Variants in PRELID2 observed in about 807,000 individuals in gnomAD.
PRELID2 encodes the protein PRELI domain-containing protein 2.
Under a neutral mutation model 28.4 loss-of-function variants are expected in PRELID2, and 25 were observed. That is an observed-to-expected ratio of 0.88 (90% CI 0.64 to 1.23). The LOEUF (loss-of-function observed/expected upper bound fraction) is 1.23. Among genes scored for constraint, PRELID2 ranks in the 50% most tolerant of loss-of-function variants. PRELID2 has a pLI of 0.00. For synonymous variants in PRELID2, 76 were observed against 71.6 expected (o/e 1.06, Z -0.31); for missense variants, 201 against 214.4 (o/e 0.94, Z 0.39).
intron 2 of PRELID2, chr5:145,473,126 T>G (rs1275292907): frequency 6.6e-6 from 1 of 152,122 alleles, no homozygotes; most frequent in Non-Finnish European, 1.5e-5. Flanking sequence ...GGAGGTCAAG[T>G]GTTTGAAGAA....
At chr5:145,701,921 C>T (rs988587162) in intron 1 of PRELID2, among the ~76,000 whole-genome samples, 2 of 151,946 alleles carry the variant, frequency 1.3e-5, no homozygotes, top group Admixed American at 6.6e-5. Flanking sequence ...CGTGGTGGCA[C>T]ATGCCTGTAA....
chr5:145,580,140 T>C (rs1352900034), intron 1 of PRELID2, among the ~76,000 whole-genome samples: 2 of 152,076 alleles, frequency 1.3e-5, no homozygotes, highest in African/African-American at 4.8e-5. Context: ...AATCCAAGAA[T>C]CTGTTACAGT....
the PRELID2 span, among the ~76,000 whole-genome samples, chr5:145,296,532 T>TA: frequency 6.6e-6 from 1 of 152,194 alleles, no homozygotes; most frequent in Admixed American, 6.5e-5. Context: ...CATCATTTTT[T>TA]ATGGCTGCAT....
chr5:145,428,493 A>T, the PRELID2 span, among the ~76,000 whole-genome samples: 1 of 152,148 alleles, frequency 6.6e-6, no homozygotes, highest in Non-Finnish European at 1.5e-5. Flanking sequence ...CAACAAACAA[A>T]CAACAGGTAA....
the PRELID2 span, among the ~76,000 whole-genome samples, chr5:145,424,599 G>A: frequency 7.2e-5 from 11 of 152,152 alleles, no homozygotes; most frequent in South Asian, 2.1e-4. Flanking sequence ...TTCGGCTCGC[G>A]CACGGTGCGC....
the PRELID2 span, among the ~76,000 whole-genome samples, chr5:145,249,133 CA>C: frequency 6.6e-6 from 1 of 152,112 alleles, no homozygotes; most frequent in Non-Finnish European, 1.5e-5. Flanking sequence ...TACAAAGCCA[CA>C]AATTAGCTAT....
chr5:145,778,322 C>G (rs1222417594), intron 5 of PRELID2, among the ~76,000 whole-genome samples: 2 of 152,174 alleles, frequency 1.3e-5, no homozygotes, highest in Admixed American at 6.5e-5. Context: ...ACTGGACGAC[C>G]TGCCTGCAGA....
intron 1 of PRELID2, among the ~76,000 whole-genome samples, chr5:145,489,580 T>C (rs1441964454): frequency 2.0e-5 from 3 of 152,290 alleles, no homozygotes; most frequent in African/African-American, 7.2e-5. Flanking sequence ...TCCAGCATTC[T>C]TTCCCTGTAA....
chr5:145,239,858 T>C, the PRELID2 span, among the ~76,000 whole-genome samples: 2 of 151,938 alleles, frequency 1.3e-5, no homozygotes, highest in Non-Finnish European at 2.9e-5. Flanking sequence ...ATGAGAATGG[T>C]TTTTCTGCCA....
chr5:145,768,211 G>A (rs183449245), intron 5 of PRELID2, among the ~76,000 whole-genome samples: 206 of 118,982 alleles, frequency 1.7e-3, no homozygotes, highest in African/African-American at 6.5e-3. Context: ...GTGACAGAGC[G>A]AGACTCTGTC....
At chr5:145,367,814 G>T in the PRELID2 span, among the ~76,000 whole-genome samples, 1 of 151,440 alleles carries the variant, frequency 6.6e-6, no homozygotes, top group East Asian at 2.0e-4. Context: ...ATATTTCATT[G>T]TCTGGATGAA....
chr5:145,398,837 AGAAG>A, the PRELID2 span, among the ~76,000 whole-genome samples: 1 of 152,122 alleles, frequency 6.6e-6, no homozygotes, highest in Non-Finnish European at 1.5e-5. Flanking sequence ...GTGGCTTTTT[AGAAG>A]GAAGGAAGGA....
intron 6 of PRELID2, among the ~76,000 whole-genome samples, chr5:145,761,831 T>G (rs1026362066): frequency 2.6e-5 from 4 of 152,192 alleles, no homozygotes; most frequent in Non-Finnish European, 4.4e-5. Context: ...CTTCTTTTAA[T>G]GTAGCATTTT....
chr5:145,409,227 C>T, the PRELID2 span, among the ~76,000 whole-genome samples: 9 of 152,242 alleles, frequency 5.9e-5, no homozygotes, highest in Admixed American at 2.0e-4. Flanking sequence ...GAGTTCAAAA[C>T]TTTGAAACAA....
the PRELID2 span, among the ~76,000 whole-genome samples, chr5:145,419,610 A>T: frequency 1.3e-5 from 2 of 149,236 alleles, no homozygotes; most frequent in South Asian, 2.2e-4. Flanking sequence ...GTTTGAGTTC[A>T]TTGTAGATTC....
the PRELID2 span, among the ~76,000 whole-genome samples, chr5:145,408,666 C>T: frequency 6.6e-6 from 1 of 151,076 alleles, no homozygotes; most frequent in Non-Finnish European, 1.5e-5. Flanking sequence ...GAGAAAAAGA[C>T]AAAGAAAAAA....
At chr5:145,448,500 T>G in the PRELID2 span, among the ~76,000 whole-genome samples, 1 of 152,110 alleles carries the variant, frequency 6.6e-6, no homozygotes, top group Non-Finnish European at 1.5e-5. Context: ...GTCAATTTTG[T>G]CTTTTGTTGC....
At chr5:145,813,010 G>C (rs1257075514) in intron 4 of PRELID2, among the ~76,000 whole-genome samples, 1 of 152,186 alleles carries the variant, frequency 6.6e-6, no homozygotes, top group Non-Finnish European at 1.5e-5. Flanking sequence ...TCTATGTAAA[G>C]AGGACATAGA....
chr5:145,351,700 C>T, the PRELID2 span, among the ~76,000 whole-genome samples: 1 of 152,208 alleles, frequency 6.6e-6, no homozygotes, highest in Non-Finnish European at 1.5e-5. Flanking sequence ...AGTCCAAGTC[C>T]CAGGTCTCAT....
Sources: allele counts gnomAD v4.1 joint callset (sites outside exome capture counted in the v4.1 genomes callset), GRCh38; gene constraint gnomAD v4.1.1; transcripts MANE v1.5; gene names NCBI Gene and HGNC (gene_info 2026-07-23, HGNC 2026-07-21).